CLOCK: variants seen among roughly 807,000 people sequenced by gnomAD.
CLOCK encodes the protein circadian locomoter output cycles protein kaput.
In CLOCK, 43 loss-of-function variants were observed where a neutral mutation model predicts 118.4. The observed-to-expected ratio is 0.36, with a 90% CI of 0.28 to 0.47. The LOEUF (loss-of-function observed/expected upper bound fraction) is 0.47. CLOCK is among the 20% of genes least tolerant of loss of function. CLOCK has a pLI of 1.00. For synonymous variants in CLOCK, 326 were observed against 339.2 expected (o/e 0.96, Z 0.43); for missense variants, 846 against 999.9 (o/e 0.85, Z 2.08).
intron 1 of CLOCK, among the ~76,000 whole-genome samples, chr4:55,519,881 T>C (rs1327237328): frequency 4.6e-5 from 7 of 152,140 alleles, no homozygotes. Flanking sequence ...GCAGGGGGTC[T>C]TTCCTCTGCC....
At chr4:55,478,985 AT>A in intron 5 of CLOCK, 22 bp from the exon 6 acceptor site, 2 of 1,554,092 alleles carry the variant, frequency 1.3e-6, no homozygotes, top group Non-Finnish European at 8.8e-7. Context: ...AAAAATATGC[AT>A]TTTTTAAACA....
At chr4:55,473,295 A>G (rs771638577) in intron 7 of CLOCK, among the ~76,000 whole-genome samples, 1 of 152,100 alleles carries the variant, frequency 6.6e-6, no homozygotes, top group Non-Finnish European at 1.5e-5. Flanking sequence ...ACTATTGTCT[A>G]CTTCATAATA....
At chr4:55,446,975 C>T (rs1723909668) in intron 18 of CLOCK, among the ~76,000 whole-genome samples, 1 of 151,954 alleles carries the variant, frequency 6.6e-6, no homozygotes, top group African/African-American at 2.4e-5. Context: ...ATAACCAGAC[C>T]ATATCATATG....
intron 18 of CLOCK, among the ~76,000 whole-genome samples, 170 bp downstream of exon 18, chr4:55,448,599 CGCGTGTGTGT>C (rs1174850362): frequency 0.13 from 13,207 of 105,476 alleles, 808 homozygotes; most frequent in East Asian, 0.37. Flanking sequence ...CGCGCACGCG[CGCGTGTGTGT>C]GTGTGTGTGT....
chr4:55,482,811 T>C lies in CLOCK; in HGVS notation c.-26A>G, dbSNP rs776197988. 1.9e-6 allele frequency: 3 copies of C among 1,570,260 alleles called. No homozygotes were observed. Among genetic ancestry groups the C allele is most frequent in the East Asian group, 2.3e-5 (1 of 44,342 alleles). The stretch of plus-strand genomic sequence containing the variant: ...AACATACTACGTTTTCGTCTTGTAG[T>C]AGACATTTGTACTTCTCCTTAGGTG... On this transcript the variant is annotated 5_prime_UTR_variant, in exon 4 of 23. Transcript: ENST00000513440.
At position 55,428,766 on chromosome 4, in the gene CLOCK, G is replaced by GA. The variant is rs1254465064; in HGVS notation, c.*6648dup. 2.0e-5 allele frequency: 3 copies of GA among 149,160 alleles called. No homozygotes were observed. Among genetic ancestry groups the GA allele is most frequent in the Non-Finnish European group, 4.5e-5 (3 of 67,394 alleles). The allele number at this position is 149,160 out of a possible 1,614,324, so 9.2% of individuals were successfully genotyped here. A position where few individuals can be genotyped will look rare whatever the true frequency, so the allele number is the denominator to read the frequency against. ...ACAACTACCAACTGATGTTAACAATGAAAAATTTACAAAGGTAAAACTTTT... is the reference window on the plus strand; with the variant it reads ...ACAACTACCAACTGATGTTAACAATGAAAAAATTTACAAAGGTAAAACTTTT... On this transcript the variant is annotated 3_prime_UTR_variant, in exon 23 of 23. Transcript: ENST00000513440.
intron 2 of CLOCK, among the ~76,000 whole-genome samples, chr4:55,508,676 G>A (rs985609941): frequency 1.3e-5 from 2 of 151,300 alleles, no homozygotes; most frequent in South Asian, 2.1e-4. Flanking sequence ...CACTGCAAGC[G>A]CCGACTCCCG....
intron 7 of CLOCK, among the ~76,000 whole-genome samples, chr4:55,473,626 G>A (rs1383749087): frequency 6.6e-6 from 1 of 151,976 alleles, no homozygotes; most frequent in Non-Finnish European, 1.5e-5. Flanking sequence ...ATTGTGCTTC[G>A]CTTTATTGAA....
chr4:55,496,497 C>T (rs1258133532), intron 2 of CLOCK, among the ~76,000 whole-genome samples: 1 of 152,160 alleles, frequency 6.6e-6, no homozygotes, highest in African/African-American at 2.4e-5. Flanking sequence ...GTCCTTTATA[C>T]ACTTATCATA....
At chr4:55,533,458 T>C (rs1198674019) in intron 1 of CLOCK, among the ~76,000 whole-genome samples, 1 of 152,240 alleles carries the variant, frequency 6.6e-6, no homozygotes, top group Non-Finnish European at 1.5e-5. Context: ...TAATTTATTT[T>C]ATGATGACCT....
chr4:55,502,372 C>T (rs1479948037), intron 2 of CLOCK, among the ~76,000 whole-genome samples: 2 of 152,018 alleles, frequency 1.3e-5, no homozygotes, highest in African/African-American at 4.8e-5. Context: ...CATGACAGAC[C>T]AACAGAATAG....
rs1469210108 is a variant in CLOCK, at chr4:55,434,332, A to C, written c.*1083T>G. The C allele has an allele frequency of 6.6e-6, 1 of 152,648 alleles. No individual in the cohort carries two copies. The highest frequency in any genetic ancestry group is 1.5e-5 in the Non-Finnish European group (1 of 68,040). 9.5% of individuals were successfully genotyped at this position (152,648 alleles called of 1,614,324 possible). A position where few individuals can be genotyped will look rare whatever the true frequency, so the allele number is the denominator to read the frequency against. The stretch of plus-strand genomic sequence containing the variant: ...AAAAGTTAAAATTCCCATGATTGAG[A>C]ATGTTAAAAAGTGCCTAAGATGTTT... On this transcript the variant is annotated 3_prime_UTR_variant, in exon 23 of 23. Transcript: ENST00000513440.
At chr4:55,469,399 T>C (rs1002159570) in intron 8 of CLOCK, among the ~76,000 whole-genome samples, 2 of 152,156 alleles carry the variant, frequency 1.3e-5, no homozygotes, top group Non-Finnish European at 1.5e-5. Context: ...CCCAGACTTA[T>C]ATATATATTT....
intron 2 of CLOCK, among the ~76,000 whole-genome samples, chr4:55,491,798 A>G (rs1727717962): frequency 6.8e-6 from 1 of 146,330 alleles, no homozygotes; most frequent in South Asian, 2.3e-4. Flanking sequence ...ATGACTTTAC[A>G]AGAGAGTACA....
chr4:55,481,612 T>C (rs1488863786), intron 4 of CLOCK, among the ~76,000 whole-genome samples: 1 of 152,188 alleles, frequency 6.6e-6, no homozygotes. Flanking sequence ...GGAGTATACA[T>C]CTTTACTATC....
intron 1 of CLOCK, among the ~76,000 whole-genome samples, chr4:55,527,006 G>C (rs994406212): frequency 6.8e-6 from 1 of 146,936 alleles, no homozygotes; most frequent in African/African-American, 2.5e-5. Flanking sequence ...AAAAAAAAAG[G>C]TTAGAAACAC....
chr4:55,478,398 C>T (rs1223582768), intron 6 of CLOCK, among the ~76,000 whole-genome samples: 2 of 152,114 alleles, frequency 1.3e-5, no homozygotes, highest in Non-Finnish European at 2.9e-5. Context: ...CTCCCTGCCT[C>T]TCTGCTTTTG....
intron 1 of CLOCK, among the ~76,000 whole-genome samples, chr4:55,544,067 T>G (rs1461480299): frequency 2.6e-5 from 4 of 152,050 alleles, no homozygotes; most frequent in Admixed American, 6.6e-5. Flanking sequence ...ATATCTCATC[T>G]AACAGCTGCC....
intron 2 of CLOCK, among the ~76,000 whole-genome samples, chr4:55,498,302 A>G (rs1044212877): frequency 1.4e-4 from 22 of 152,188 alleles, no homozygotes; most frequent in African/African-American, 4.6e-4. Flanking sequence ...AAACTCGGGT[A>G]AACTGCCAGC....
Sources: gnomAD v4.1 joint callset for allele counts (sites outside exome capture counted in the v4.1 genomes callset) on GRCh38, gnomAD v4.1.1 for gene constraint, MANE v1.5 for transcripts, NCBI Gene and HGNC (gene_info 2026-07-23, HGNC 2026-07-21) for gene names.